The following TMEFF2 variants were observed in gnomAD, a reference collection of about 807,000 sequenced individuals.
TMEFF2 encodes the protein transmembrane protein with EGF like and two follistatin like domains 2.
A neutral mutation model predicts 53.8 loss-of-function variants in TMEFF2; 28 were observed. The observed-to-expected ratio is 0.52, with a 90% CI of 0.39 to 0.71. The LOEUF is 0.71. Ranked by LOEUF, TMEFF2 falls within the 30% of genes least tolerant of loss-of-function variation. The pLI, the probability that TMEFF2 is intolerant of heterozygous loss-of-function variation, is 0.00. For missense variants in TMEFF2, 353 were observed against 455.2 expected, an observed-to-expected ratio of 0.78 and a Z score of 2.04; for synonymous variants, 162 against 166.3, an observed-to-expected ratio of 0.97 and a Z score of 0.20.
At chr2:191,967,068 A>G (rs964496596) in intron 7 of TMEFF2, among the ~76,000 whole-genome samples, 2 of 152,296 alleles carry the variant, frequency 1.3e-5, no homozygotes, top group South Asian at 4.1e-4. Context: ...AAGTTCCATA[A>G]AATTGGTAGT....
chr2:191,990,416 A>T lies in TMEFF2; in HGVS notation c.745+7846T>A, dbSNP rs866614244. Among the ~76,000 whole-genome samples the T allele has an allele frequency of 4.8e-5, 7 of 147,354 alleles. No homozygotes were observed. The South Asian group carries it at 8.8e-4, about 18-fold the overall frequency. On this transcript the variant is annotated intron_variant, in intron 7 of 9. Transcript: ENST00000272771. Reference sequence around the variant, plus strand: ...AGCAGCAAATCAAAGTGCTCAGAATAGTGTGTGTGTGTGTGTGTGTTGTTT... The same window carrying T: ...AGCAGCAAATCAAAGTGCTCAGAATTGTGTGTGTGTGTGTGTGTGTTGTTT...
intron 4 of TMEFF2, among the ~76,000 whole-genome samples, chr2:192,149,882 TTA>T (rs1335672417): frequency 1.3e-5 from 2 of 151,978 alleles, no homozygotes; most frequent in Non-Finnish European, 2.9e-5. Context: ...AGGCAAAATA[TTA>T]TATAACTTCC....
At chr2:192,006,724 G>A (rs939830589) in intron 5 of TMEFF2, among the ~76,000 whole-genome samples, 1 of 152,126 alleles carries the variant, frequency 6.6e-6, no homozygotes, top group Non-Finnish European at 1.5e-5. Context: ...TCAAATCCTG[G>A]ATTTCAAATT....
At position 192,107,910 on chromosome 2, in the gene TMEFF2, C is replaced by T. The variant is rs368990143; in HGVS notation, c.440-50135G>A. 1.9e-4 allele frequency among the ~76,000 whole-genome samples: 29 copies of T among 151,432 alleles called. No individual in the cohort carries two copies. In the East Asian group the frequency reaches 3.5e-3, roughly 18 times the overall value. On this transcript the variant is annotated intron_variant, in intron 4 of 9. Coordinates refer to ENST00000272771, the MANE Select transcript of TMEFF2 (RefSeq NM_016192.4). ...CTCTATCTGCCTTACAAAACTATCT[C>T]TCTAATTCTAATTCTATACAAAGAT...
At chr2:192,092,323 G>C (rs927742045) in intron 4 of TMEFF2, among the ~76,000 whole-genome samples, 3 of 151,936 alleles carry the variant, frequency 2.0e-5, no homozygotes, top group African/African-American at 2.4e-5. Flanking sequence ...AAATATACAG[G>C]CTTCCTTTAT....
intron 7 of TMEFF2, among the ~76,000 whole-genome samples, chr2:191,964,382 CT>C (rs1491453993): frequency 3.6e-5 from 1 of 27,538 alleles, no homozygotes; most frequent in Non-Finnish European, 7.7e-5. Context: ...CTCTTTCTTT[CT>C]TTCTTTCTTT....
At chr2:192,134,245 T>C (rs964427875) in intron 4 of TMEFF2, among the ~76,000 whole-genome samples, 4 of 152,356 alleles carry the variant, frequency 2.6e-5, no homozygotes, top group African/African-American at 9.6e-5. Context: ...ATTACCATTG[T>C]TCCTGGCCCG....
intron 7 of TMEFF2, among the ~76,000 whole-genome samples, chr2:191,964,398 C>CTTTCTTTCTCTTTCTTTCTTTCTTTCTT (rs200251020): frequency 1.9e-5 from 1 of 51,750 alleles, no homozygotes; most frequent in African/African-American, 7.1e-5. Flanking sequence ...TTCTTTCTTT[C>CTTTCTTTCTCTTTCTTTCTTTCTTTCTT]TCTTTCTTTC....
At chr2:192,047,645 G>A (rs1687656057) in intron 5 of TMEFF2, among the ~76,000 whole-genome samples, 1 of 152,152 alleles carries the variant, frequency 6.6e-6, no homozygotes, top group Non-Finnish European at 1.5e-5. Flanking sequence ...TTACATTAGG[G>A]GGGCTAGAAA....
intron 4 of TMEFF2, among the ~76,000 whole-genome samples, chr2:192,081,416 C>A (rs1470345483): frequency 6.6e-6 from 1 of 152,068 alleles, no homozygotes; most frequent in African/African-American, 2.4e-5. Context: ...TCTTTCCAGC[C>A]TTATTAATTC....
At chr2:192,059,536 C>T (rs1467418134) in intron 4 of TMEFF2, among the ~76,000 whole-genome samples, 1 of 152,092 alleles carries the variant, frequency 6.6e-6, no homozygotes, top group African/African-American at 2.4e-5. Context: ...TAGCAACTTC[C>T]AGACTAAAGC....
At chr2:192,079,926 A>G (rs1243806260) in intron 4 of TMEFF2, among the ~76,000 whole-genome samples, 1 of 152,224 alleles carries the variant, frequency 6.6e-6, no homozygotes, top group East Asian at 1.9e-4. Flanking sequence ...CTTAATCCAA[A>G]TAAGTTTACC....
intron 4 of TMEFF2, among the ~76,000 whole-genome samples, chr2:192,093,982 G>A (rs1255439136): frequency 1.3e-5 from 2 of 151,792 alleles, no homozygotes; most frequent in African/African-American, 4.9e-5. Flanking sequence ...GCCAGGATTA[G>A]GTTTTTGTTG....
intron 4 of TMEFF2, among the ~76,000 whole-genome samples, chr2:192,148,388 G>A (rs536418498): frequency 6.6e-6 from 1 of 152,038 alleles, no homozygotes; most frequent in South Asian, 2.1e-4. Context: ...ATACTTGATC[G>A]ACAGTCCATG....
At chr2:191,952,106 G>A (rs1181754025) in intron 9 of TMEFF2, among the ~76,000 whole-genome samples, 1 of 152,146 alleles carries the variant, frequency 6.6e-6, no homozygotes, top group South Asian at 2.1e-4. Flanking sequence ...TTCTACCTCA[G>A]GGTCTCTATC....
At chr2:192,186,594 C>A (rs10497726) in intron 2 of TMEFF2, among the ~76,000 whole-genome samples, 36,274 of 151,878 alleles carry the variant, frequency 0.24, 4,495 homozygotes, top group East Asian at 0.36. Flanking sequence ...ATAGACTTGC[C>A]GATCCTTTCA....
rs1254852739 is a variant in TMEFF2, at chr2:192,096,655, TC to T, written c.440-38881del. ...TTTCTTTTCTTCTTCCTTCCTTCTC[TC>T]TCTCTCTCTCTCTCTTTTTTTTTTT... On this transcript the variant is annotated intron_variant, in intron 4 of 9. Transcript: ENST00000272771. 6.4e-3 allele frequency among the ~76,000 whole-genome samples: 376 copies of T among 58,412 alleles called. 3 individuals are homozygous for T. Among genetic ancestry groups the T allele is most frequent in the African/African-American group, 0.014 (208 of 15,304 alleles). The allele number at this position is 58,412 out of a possible 152,430, so 38.3% of individuals were successfully genotyped here.
At chr2:191,955,505 C>T (rs561451553) in intron 8 of TMEFF2, among the ~76,000 whole-genome samples, 25 of 120,836 alleles carry the variant, frequency 2.1e-4, no homozygotes, top group African/African-American at 5.6e-4. Context: ...TGCATGCCAC[C>T]GTGCCTGGCT....
At chr2:192,051,620 A>G (rs976897381) in intron 5 of TMEFF2, among the ~76,000 whole-genome samples, 1 of 152,216 alleles carries the variant, frequency 6.6e-6, no homozygotes, top group Non-Finnish European at 1.5e-5. Context: ...CCTAATGTCT[A>G]ATTTACTTAT....
Sources: allele counts gnomAD v4.1 joint callset (sites outside exome capture counted in the v4.1 genomes callset), GRCh38; gene constraint gnomAD v4.1.1; transcripts MANE v1.5; gene names NCBI Gene and HGNC (gene_info 2026-07-23, HGNC 2026-07-21).